Variants in DCAF15 observed in about 807,000 individuals in gnomAD.
DCAF15 encodes DDB1 and CUL4 associated factor 15.
In DCAF15, 24 loss-of-function variants were observed where a neutral mutation model predicts 68.0. That is an observed-to-expected ratio of 0.35 (90% CI 0.26 to 0.50). The LOEUF is 0.50. Among genes scored for constraint, DCAF15 ranks in the 20% least tolerant of loss-of-function variants. The pLI is 0.98. For missense variants in DCAF15, 627 were observed against 830.6 expected (o/e 0.75, Z 3.01); for synonymous variants, 376 against 341.6 (o/e 1.10, Z -1.11).
In DCAF15 at chr19:13,958,808, T is replaced by C. The variant is rs532884320; in HGVS notation, c.785-237T>C. On this transcript the variant is annotated intron_variant, in intron 6 of 12. Coordinates refer to ENST00000254337, the MANE Select transcript of DCAF15 (RefSeq NM_138353.4). ...GTCTGGTTCACTCCTGTGTCCTCAG[T>C]GTGGGGCGCTCAGTAGACAGCTTAA... 9.9e-5 allele frequency among the ~76,000 whole-genome samples: 15 copies of C among 151,548 alleles called. No individual in the cohort carries two copies. In the East Asian group the frequency reaches 1.9e-3, roughly 20 times the overall value.
Position 13,952,652 on chromosome 19 carries a change from C to G in DCAF15, c.132+8C>G. 1 of 1,212,428 alleles carries G rather than the reference C, an allele frequency of 8.2e-7. No homozygotes were observed. The highest frequency in any genetic ancestry group is 1.0e-6 in the Non-Finnish European group (1 of 968,930). The allele number at this position is 1,212,428 out of a possible 1,614,324, so 75.1% of individuals were successfully genotyped here. On this transcript the variant is annotated splice_region_variant and intron_variant, in intron 1 of 12. Coordinates refer to ENST00000254337, the MANE Select transcript of DCAF15 (RefSeq NM_138353.4). ...CAGCTGGAGCGGGTCAAGGTGAGGC[C>G]TGGAGCCGGAGTGGGGAGCGCGCCG...
At chr19:13,952,994 T>G in intron 1 of DCAF15, 1 of 1,125,776 alleles carries the variant, frequency 8.9e-7, no homozygotes, top group Non-Finnish European at 1.3e-6. Context: ...GCTCCCATGG[T>G]TGCTCCATAA....
intron 1 of DCAF15, chr19:13,953,361 C>G: frequency 2.0e-6 from 1 of 496,186 alleles, no homozygotes; most frequent in Non-Finnish European, 3.6e-6. Context: ...ACTGCGCCTT[C>G]TCCGTGAGGC....
At chr19:13,959,712 G>A in intron 8 of DCAF15, 39 bp downstream of exon 8, 1 of 1,612,648 alleles carries the variant, frequency 6.2e-7, no homozygotes, top group Non-Finnish European at 8.5e-7. Flanking sequence ...ACAGTCCCGG[G>A]GAGCTGCCGG....
rs1170751728 is a variant in DCAF15 at position 13,960,528 on chromosome 19, G to A, written c.1695G>A (p.Pro565=). 39 of 1,603,600 alleles carry A rather than the reference G, an allele frequency of 2.4e-5. No homozygotes were observed. Among genetic ancestry groups the A allele is most frequent in the Non-Finnish European group, 2.9e-5 (34 of 1,176,504 alleles). Residue 565 remains proline (P), a synonymous_variant, in exon 12 of 13, where the codon CCG becomes CCA. Transcript: ENST00000254337. The stretch of plus-strand genomic sequence containing the variant: ...ACATGGTCATGAAGTGGCTGGTGCC[G>A]GAGAGCAGCGGCCGCTACGTCAACA... The part of the protein sequence containing the change: ...CVDMVMKWLV[P]ESSGRYVNRM...
At chr19:13,955,553 G>A (rs942987364) in intron 3 of DCAF15, among the ~76,000 whole-genome samples, 1 of 152,214 alleles carries the variant, frequency 6.6e-6, no homozygotes, top group Non-Finnish European at 1.5e-5. Context: ...AGGCCACCCT[G>A]GCTTTAGCCT....
intron 6 of DCAF15, among the ~76,000 whole-genome samples, 189 bp downstream of exon 6, chr19:13,956,711 C>G (rs542529769): frequency 2.0e-5 from 3 of 152,360 alleles, no homozygotes; most frequent in Admixed American, 2.0e-4. Context: ...CGGGATCTTT[C>G]CAGTGGCTGA....
At position 13,956,340 on chromosome 19, in the gene DCAF15, G is replaced by C. The variant is rs200793625; in HGVS notation, c.614-12G>C. 7 of 1,613,438 alleles carry C rather than the reference G, an allele frequency of 4.3e-6. No individual in the cohort carries two copies. The South Asian group carries it at 5.5e-5, about 13-fold the overall frequency. ...GGCCGAGAGTGAGCTGCTGTGGCGT[G>C]TGTTGCTACAGGAGACCCGAATGCA... is the stretch of plus-strand genomic sequence containing the variant. On this transcript the variant is annotated splice_polypyrimidine_tract_variant and intron_variant, in intron 5 of 12. Transcript: ENST00000254337.
At chr19:13,954,235 TG>T in intron 1 of DCAF15, 104 bp from the exon 2 acceptor site, 1 of 922,988 alleles carries the variant, frequency 1.1e-6, no homozygotes. Context: ...TATGGTGGGC[TG>T]GGCCGGTCTG....
At chr19:13,956,701 C>T (rs560051232) in intron 6 of DCAF15, among the ~76,000 whole-genome samples, 179 bp downstream of exon 6, 20 of 152,372 alleles carry the variant, frequency 1.3e-4, no homozygotes, top group African/African-American at 4.8e-4. Flanking sequence ...GCCCTGCCCA[C>T]GGGATCTTTC....
In DCAF15 at chr19:13,952,552, G is replaced by A. The variant is rs919951953; in HGVS notation, c.40G>A (p.Gly14Arg). ...SSKSERNSGA[G>R]SGGGGPGGAG... is the part of the protein sequence containing the mutation. Reference sequence around the variant, plus strand: ...GAAATCGGAGCGGAACAGCGGGGCTGGGAGCGGCGGCGGCGGCCCCGGGGG... The same window carrying A: ...GAAATCGGAGCGGAACAGCGGGGCTAGGAGCGGCGGCGGCGGCCCCGGGGG... Residue 14 changes from glycine to arginine, a missense_variant, in exon 1 of 13, where the codon GGG (glycine) becomes AGG (arginine). By Grantham distance (125) the Gly-to-Arg change is moderately radical. Around this residue, in one of 3 missense-constraint regions of DCAF15, gnomAD observed 273 missense variants for 393.7 expected, o/e 0.69. Transcript: ENST00000254337. 231 of 1,265,930 alleles carry A rather than the reference G, an allele frequency of 1.8e-4. 1 individual carries two copies. The highest frequency in any genetic ancestry group is 2.2e-4 in the Non-Finnish European group (225 of 1,001,128). 78.4% of individuals were successfully genotyped at this position (1,265,930 alleles called of 1,614,324 possible).
Position 13,961,069 on chromosome 19 carries a change from CT to C in DCAF15, c.*76del. The stretch of plus-strand genomic sequence containing the variant: ...ACCGGCCCCCTTCCTGGGGTGGCCT[CT>C]TCCTGGCCGGCTGGCCCACCGACTG... On this transcript the variant is annotated 3_prime_UTR_variant, in exon 13 of 13. Transcript: ENST00000254337. The C allele has an allele frequency of 6.3e-7, 1 of 1,580,226 alleles. No homozygotes were observed. Among genetic ancestry groups the C allele is most frequent in the Admixed American group, 1.7e-5 (1 of 59,564 alleles).
In DCAF15 at chr19:13,959,038, T is replaced by C; in HGVS notation, c.785-7T>C. 1 of 1,590,644 alleles carries C rather than the reference T, an allele frequency of 6.3e-7. No individual in the cohort carries two copies. Among genetic ancestry groups the C allele is most frequent in the Non-Finnish European group, 8.6e-7 (1 of 1,167,664 alleles). ...ACTGACACTTCTCCACCCCCATCTC[T>C]TCTTAGGTGACAGGAGTTTCTGCCA... On this transcript the variant is annotated splice_polypyrimidine_tract_variant and splice_region_variant and intron_variant, in intron 6 of 12. Transcript: ENST00000254337.
intron 6 of DCAF15, among the ~76,000 whole-genome samples, chr19:13,957,897 A>G (rs754708151): frequency 1.3e-5 from 2 of 152,016 alleles, no homozygotes; most frequent in Non-Finnish European, 2.9e-5. Flanking sequence ...AAAAAAAAAG[A>G]CGTTTTAATT....
chr19:13,959,758 C>G lies in DCAF15; in HGVS notation c.1312-9C>G. ...GCACCGTCCCCTGCGCCTACCCACT[C>G]ACCCGCAGGGCCAGTACCTGACAGT... On this transcript the variant is annotated splice_polypyrimidine_tract_variant and intron_variant, in intron 8 of 12. Transcript: ENST00000254337. The G allele has an allele frequency of 1.2e-6, 2 of 1,613,650 alleles. No individual in the cohort carries two copies. The highest frequency in any genetic ancestry group is 1.7e-6 in the Non-Finnish European group (2 of 1,179,904).
chr19:13,954,000 A>AGG (rs1973220446), intron 1 of DCAF15, among the ~76,000 whole-genome samples: 1 of 151,962 alleles, frequency 6.6e-6, no homozygotes, highest in Non-Finnish European at 1.5e-5. Context: ...GCCTTCAGGG[A>AGG]GGGAAGCAGG....
In DCAF15 at chr19:13,959,681, T is replaced by C. The variant is rs564457889; in HGVS notation, c.1311+8T>C. On this transcript the variant is annotated splice_region_variant and intron_variant, in intron 8 of 12. Transcript: ENST00000254337. Reference sequence around the variant, plus strand: ...GAGCGGACTGCTGTCCAGGTGGGTGTGGGCAGTGGGCGGGCCAAGGACAGT... The same window carrying C: ...GAGCGGACTGCTGTCCAGGTGGGTGCGGGCAGTGGGCGGGCCAAGGACAGT... 6.2e-7 allele frequency: 1 copy of C among 1,613,152 alleles called. No individual in the cohort carries two copies. The highest frequency in any genetic ancestry group is 1.3e-5 in the African/African-American group (1 of 75,004).
Position 13,961,408 on chromosome 19 carries a change from C to T in DCAF15, c.*413C>T, listed in dbSNP as rs1684492598. On this transcript the variant is annotated 3_prime_UTR_variant, in exon 13 of 13. Coordinates refer to ENST00000254337, the MANE Select transcript of DCAF15 (RefSeq NM_138353.4). ...GCCGGCAACCTGGCCATCCCCATTC[C>T]GTTCTTCTTCATGTAATAAATGTTT... 4.6e-6 allele frequency: 1 copy of T among 215,178 alleles called. No individual in the cohort carries two copies. The highest frequency in any genetic ancestry group is 9.6e-6 in the Non-Finnish European group (1 of 104,558). The allele number at this position is 215,178 out of a possible 1,614,324, so 13.3% of individuals were successfully genotyped here. A position where few individuals can be genotyped will look rare whatever the true frequency, so the allele number is the denominator to read the frequency against.
chr19:13,954,749 T>A, intron 3 of DCAF15, 88 bp downstream of exon 3: 1 of 1,423,212 alleles, frequency 7.0e-7, no homozygotes, highest in Non-Finnish European at 9.8e-7. Flanking sequence ...TCCTTGGGTG[T>A]AAAATGATCA....
Sources: allele counts gnomAD v4.1 joint callset (sites outside exome capture counted in the v4.1 genomes callset), GRCh38; gene constraint gnomAD v4.1.1; regional missense constraint gnomAD v4.1.1; transcripts MANE v1.5; gene names NCBI Gene and HGNC (gene_info 2026-07-23, HGNC 2026-07-21).